The following SP140L variants were observed in gnomAD, a reference collection of about 807,000 sequenced individuals.
SP140L encodes the protein nuclear body protein SP140-like protein.
A neutral mutation model predicts 84.3 loss-of-function variants in SP140L; 64 were observed. The observed-to-expected ratio is 0.76, with a 90% confidence interval of 0.62 to 0.94. The LOEUF is 0.94. Among genes scored for constraint, SP140L ranks in the 40% least tolerant of loss-of-function variants. The pLI is 0.00. For synonymous variants in SP140L, 242 were observed against 236.9 expected, an observed-to-expected ratio of 1.02 and a Z score of -0.20; for missense variants, 628 against 692.5, an observed-to-expected ratio of 0.91 and a Z score of 1.05.
intron 2 of SP140L, among the ~76,000 whole-genome samples, chr2:230,329,540 C>G (rs1006036288): frequency 6.6e-6 from 1 of 152,192 alleles, no homozygotes; most frequent in African/African-American, 2.4e-5. Context: ...GTGATTGGAT[C>G]ATGGGGGCAG....
intron 15 of SP140L, chr2:230,400,687 G>T: frequency 1.4e-6 from 1 of 710,688 alleles, no homozygotes; most frequent in Non-Finnish European, 2.3e-6. Context: ...GACTCCTTGT[G>T]CTCCCAGCAG....
chr2:230,364,388 T>G (rs1260131417), intron 5 of SP140L, among the ~76,000 whole-genome samples: 1 of 152,136 alleles, frequency 6.6e-6, no homozygotes, highest in African/African-American at 2.4e-5. Context: ...TTGGTTAAAT[T>G]TATTCTTAAG....
At chr2:230,381,683 T>G (rs1175311922) in intron 7 of SP140L, among the ~76,000 whole-genome samples, 1 of 150,844 alleles carries the variant, frequency 6.6e-6, no homozygotes, top group South Asian at 2.1e-4. Flanking sequence ...AAAACAAGCC[T>G]GGGCAAGATA....
intron 4 of SP140L, 102 bp from the exon 5 acceptor site, chr2:230,361,512 C>A: frequency 1.4e-6 from 1 of 702,166 alleles, no homozygotes. Context: ...AGTCTGACTT[C>A]TGAGTCAGCC....
intron 8 of SP140L, among the ~76,000 whole-genome samples, chr2:230,384,132 T>G (rs1248049575): frequency 1.3e-5 from 2 of 152,178 alleles, no homozygotes; most frequent in African/African-American, 4.8e-5. Flanking sequence ...ATAGAGGTGA[T>G]GTTTATATTT....
chr2:230,401,324 C>T, intron 16 of SP140L, 42 bp from the exon 17 acceptor site: 4 of 1,607,624 alleles, frequency 2.5e-6, no homozygotes, highest in Non-Finnish European at 3.4e-6. Flanking sequence ...TGGGCTCATT[C>T]TCTCCAAGCT....
intron 7 of SP140L, among the ~76,000 whole-genome samples, chr2:230,378,389 T>A (rs897890805): frequency 1.3e-5 from 2 of 152,210 alleles, no homozygotes; most frequent in Admixed American, 6.5e-5. Flanking sequence ...ATGTCCATGT[T>A]CTAGGCAGTC....
intron 5 of SP140L, 60 bp downstream of exon 5, chr2:230,361,757 G>C (rs1249599898): frequency 3.0e-6 from 4 of 1,317,416 alleles, no homozygotes; most frequent in Non-Finnish European, 4.3e-6. Context: ...AGACAAGGGA[G>C]GTGAGGGCCC....
rs183435125 is a variant in SP140L, at chr2:230,354,590, A to G, written c.108-3215A>G. On this transcript the variant is annotated intron_variant, in intron 2 of 18. Coordinates refer to ENST00000415673, the MANE Select transcript of SP140L (RefSeq NM_138402.6). ...CAAGACCAGCATAGGCCACAAAGCAAGACTCTATCTCTACAAAATATAAAA... is the reference window on the plus strand; with the variant it reads ...CAAGACCAGCATAGGCCACAAAGCAGGACTCTATCTCTACAAAATATAAAA... 8.1e-4 allele frequency among the ~76,000 whole-genome samples: 123 copies of G among 152,202 alleles called. 3 individuals are homozygous for G. Among genetic ancestry groups the G allele is most frequent in the African/African-American group, 2.8e-3 (116 of 41,522 alleles).
At chr2:230,391,992 C>T in intron 11 of SP140L, 95 bp from the exon 12 acceptor site, 1 of 1,537,562 alleles carries the variant, frequency 6.5e-7, no homozygotes, top group Non-Finnish European at 8.9e-7. Context: ...ATCTTCATCA[C>T]AAATTGGGTG....
chr2:230,336,717 T>C (rs2059893458), intron 2 of SP140L, among the ~76,000 whole-genome samples: 5 of 152,200 alleles, frequency 3.3e-5, no homozygotes. Flanking sequence ...GCCTTAACAT[T>C]TTTTTACTAC....
chr2:230,337,098 AC>A (rs1211111257), intron 2 of SP140L, among the ~76,000 whole-genome samples: 4 of 152,198 alleles, frequency 2.6e-5, no homozygotes, highest in African/African-American at 9.6e-5. Flanking sequence ...GAACTAGTTT[AC>A]AGTCCCACCA....
chr2:230,395,085 C>G (rs1359104185), intron 13 of SP140L, among the ~76,000 whole-genome samples: 1 of 152,090 alleles, frequency 6.6e-6, no homozygotes, highest in Admixed American at 6.5e-5. Flanking sequence ...TCTCCTGCCT[C>G]AGCCTCCCAA....
intron 12 of SP140L, 59 bp downstream of exon 12, chr2:230,392,288 GA>G (rs60617421): frequency 0.28 from 442,019 of 1,605,218 alleles, 64,087 homozygotes; most frequent in Non-Finnish European, 0.3. Context: ...TAATAATGAG[GA>G]GACTGTTTAT....
At chr2:230,387,115 T>G (rs528918386) in intron 9 of SP140L, among the ~76,000 whole-genome samples, 2 of 152,264 alleles carry the variant, frequency 1.3e-5, no homozygotes, top group Non-Finnish European at 2.9e-5. Context: ...TTCTATTGCC[T>G]GGAAACCTCA....
At chr2:230,384,727 C>T (rs1325303563) in intron 8 of SP140L, among the ~76,000 whole-genome samples, 1 of 152,058 alleles carries the variant, frequency 6.6e-6, no homozygotes, top group Non-Finnish European at 1.5e-5. Flanking sequence ...GCCTGGTCAA[C>T]ATAGTGAAAC....
intron 2 of SP140L, among the ~76,000 whole-genome samples, chr2:230,347,521 C>T (rs1313340678): frequency 1.3e-5 from 2 of 152,058 alleles, no homozygotes; most frequent in African/African-American, 2.4e-5. Context: ...CAGGCTGTGC[C>T]CCTCAGTTGG....
intron 2 of SP140L, among the ~76,000 whole-genome samples, chr2:230,342,952 A>T (rs2060101627): frequency 6.6e-6 from 1 of 152,110 alleles, no homozygotes; most frequent in Non-Finnish European, 1.5e-5. Context: ...GCCTTTCTTC[A>T]TCAGGTGTAA....
At chr2:230,379,182 T>G (rs576737217) in intron 7 of SP140L, among the ~76,000 whole-genome samples, 4 of 152,336 alleles carry the variant, frequency 2.6e-5, no homozygotes, top group African/African-American at 7.2e-5. Flanking sequence ...TCTGATAATC[T>G]TAGCTTTTTA....
Sources: gnomAD v4.1 joint callset for allele counts (sites outside exome capture counted in the v4.1 genomes callset) on GRCh38, gnomAD v4.1.1 for gene constraint, MANE v1.5 for transcripts, NCBI Gene and HGNC (gene_info 2026-07-23, HGNC 2026-07-21) for gene names.